The following SEMA3A variants were observed in gnomAD, a reference collection of about 807,000 sequenced individuals.
SEMA3A encodes the protein semaphorin-3A.
Under a neutral mutation model 97.9 loss-of-function variants are expected in SEMA3A, and 29 were observed. That is an observed-to-expected ratio of 0.30 (90% CI 0.22 to 0.40). SEMA3A has a LOEUF of 0.40. SEMA3A is among the 10% of genes least tolerant of loss of function. The pLI is 1.00. For missense variants in SEMA3A, 763 were observed against 951.3 expected, an observed-to-expected ratio of 0.80 and a Z score of 2.60; for synonymous variants, 321 against 323.7, an observed-to-expected ratio of 0.99 and a Z score of 0.09.
intron 4 of SEMA3A, among the ~76,000 whole-genome samples, chr7:84,081,374 C>T (rs933425155): frequency 5.9e-5 from 9 of 152,046 alleles, no homozygotes; most frequent in Non-Finnish European, 7.4e-5. Context: ...GGGCGGATCA[C>T]GAGGTCAGGA....
intron 2 of SEMA3A, among the ~76,000 whole-genome samples, chr7:84,342,046 T>C (rs994387717): frequency 3.9e-5 from 6 of 152,176 alleles, no homozygotes; most frequent in Non-Finnish European, 7.3e-5. Context: ...CACTAATTTT[T>C]TTTTTTTTGA....
At chr7:84,011,335 G>T in intron 7 of SEMA3A, 38 bp from the exon 8 acceptor site, 2 of 1,239,810 alleles carry the variant, frequency 1.6e-6, no homozygotes, top group Non-Finnish European at 2.4e-6. Flanking sequence ...CACTGTTAAT[G>T]AAAATGATAA....
chr7:84,070,404 TG>T (rs1793695449), intron 4 of SEMA3A, among the ~76,000 whole-genome samples: 1 of 152,248 alleles, frequency 6.6e-6, no homozygotes, highest in South Asian at 2.1e-4. Context: ...AAACCATTGG[TG>T]ACTTCATGGC....
chr7:84,054,467 C>G (rs1792853970), intron 5 of SEMA3A, among the ~76,000 whole-genome samples: 1 of 152,160 alleles, frequency 6.6e-6, no homozygotes, highest in African/African-American at 2.4e-5. Flanking sequence ...TCTTCCATCG[C>G]TGATACCCTT....
intron 2 of SEMA3A, among the ~76,000 whole-genome samples, chr7:84,316,422 T>C (rs548206437): frequency 1.3e-5 from 2 of 152,140 alleles, no homozygotes; most frequent in African/African-American, 4.8e-5. Context: ...AAGAGTTATT[T>C]CACAATGCAC....
At chr7:84,388,326 T>C (rs771763823) in intron 1 of SEMA3A, among the ~76,000 whole-genome samples, 46 of 152,054 alleles carry the variant, frequency 3.0e-4, no homozygotes, top group Admixed American at 1.3e-4. Context: ...TTATACTTCT[T>C]TTTAAAGAGG....
At chr7:84,380,571 G>A (rs1315055346) in intron 1 of SEMA3A, among the ~76,000 whole-genome samples, 3 of 152,134 alleles carry the variant, frequency 2.0e-5, no homozygotes, top group Admixed American at 1.3e-4. Context: ...AAAGTGAATG[G>A]AGTTAGCATA....
intron 6 of SEMA3A, among the ~76,000 whole-genome samples, chr7:84,028,500 GTCTT>G (rs1201069516): frequency 6.6e-6 from 1 of 151,986 alleles, no homozygotes; most frequent in Non-Finnish European, 1.5e-5. Flanking sequence ...AAATATTATG[GTCTT>G]TAACATTTTA....
At chr7:84,346,588 G>A (rs762034956) in intron 2 of SEMA3A, among the ~76,000 whole-genome samples, 7 of 152,106 alleles carry the variant, frequency 4.6e-5, no homozygotes, top group Non-Finnish European at 1.0e-4. Flanking sequence ...GACAGACATC[G>A]ATAAATGGCT....
chr7:84,204,955 A>AAT, intron 3 of SEMA3A, among the ~76,000 whole-genome samples: 1 of 152,186 alleles, frequency 6.6e-6, no homozygotes, highest in African/African-American at 2.4e-5. Context: ...TGTGGCTTGC[A>AAT]CAGAAAGAAT....
At chr7:84,400,273 T>G (rs1476744502) in intron 1 of SEMA3A, among the ~76,000 whole-genome samples, 1 of 152,024 alleles carries the variant, frequency 6.6e-6, no homozygotes, top group Non-Finnish European at 1.5e-5. Flanking sequence ...GAAGATATGA[T>G]CATACCAAAT....
intron 4 of SEMA3A, among the ~76,000 whole-genome samples, chr7:84,087,948 G>A (rs899788913): frequency 6.6e-6 from 1 of 151,818 alleles, no homozygotes; most frequent in Non-Finnish European, 1.5e-5. Flanking sequence ...ACTCTTTTTG[G>A]AACTAGCTCA....
chr7:84,002,385 C>CATT (rs761180544), intron 11 of SEMA3A, among the ~76,000 whole-genome samples: 4 of 152,166 alleles, frequency 2.6e-5, no homozygotes, highest in Non-Finnish European at 5.9e-5. Flanking sequence ...CAATTCTTTT[C>CATT]ATTATTTCTA....
In SEMA3A at chr7:84,185,176, C is replaced by G. The variant is rs11973201; in HGVS notation, c.112+9299G>C. ...AACACACACATACTAAATATAAACC[C>G]ATGAATTTATGTATTTCTTTATCTA... On this transcript the variant is annotated intron_variant, in intron 1 of 16. Transcript: ENST00000265362. Among the ~76,000 whole-genome samples, 729 of 152,216 alleles carry G rather than the reference C, an allele frequency of 4.8e-3. 5 individuals are homozygous for G. The highest frequency in any genetic ancestry group is 0.017 in the African/African-American group (687 of 41,534).
chr7:84,068,140 G>A (rs1793601840), intron 4 of SEMA3A, among the ~76,000 whole-genome samples: 1 of 137,908 alleles, frequency 7.3e-6, no homozygotes, highest in South Asian at 2.5e-4. Context: ...GGATGAAATT[G>A]GAAAACATCA....
At chr7:84,329,254 T>C (rs1278959791) in intron 2 of SEMA3A, among the ~76,000 whole-genome samples, 1 of 152,082 alleles carries the variant, frequency 6.6e-6, no homozygotes, top group East Asian at 1.9e-4. Context: ...CGTAATTTTC[T>C]GTTTCAAACC....
intron 1 of SEMA3A, among the ~76,000 whole-genome samples, chr7:84,404,833 C>G (rs913250323): frequency 6.6e-6 from 1 of 151,996 alleles, no homozygotes; most frequent in African/African-American, 2.4e-5. Flanking sequence ...ACTTTACAGA[C>G]AAGCAAATGC....
intron 1 of SEMA3A, among the ~76,000 whole-genome samples, chr7:84,174,307 A>T (rs1391666974): frequency 6.6e-6 from 1 of 152,146 alleles, no homozygotes; most frequent in African/African-American, 2.4e-5. Context: ...GACAAGAAAA[A>T]ACTCTGGAAA....
intron 4 of SEMA3A, among the ~76,000 whole-genome samples, chr7:84,061,094 G>A (rs1793199029): frequency 6.6e-6 from 1 of 152,124 alleles, no homozygotes. Flanking sequence ...CGTGCTTCTT[G>A]TGTATTTTTA....
Sources: gnomAD v4.1 joint callset for allele counts (sites outside exome capture counted in the v4.1 genomes callset) on GRCh38, gnomAD v4.1.1 for gene constraint, MANE v1.5 for transcripts, NCBI Gene and HGNC (gene_info 2026-07-23, HGNC 2026-07-21) for gene names.